ADAM32: variants seen among roughly 807,000 people sequenced by gnomAD.
ADAM32 encodes the protein ADAM metallopeptidase domain 32, also known as disintegrin and metalloproteinase domain-containing protein 32.
In ADAM32, 89 loss-of-function variants were observed where a neutral mutation model predicts 114.9. That is an observed-to-expected ratio of 0.77 (90% CI 0.65 to 0.92). The LOEUF is 0.92. ADAM32 is among the 40% of genes least tolerant of loss of function. The pLI is 0.00. For missense variants in ADAM32, 870 were observed against 932.8 expected (o/e 0.93, Z 0.88); for synonymous variants, 285 against 307.5 (o/e 0.93, Z 0.77).
intron 14 of ADAM32, among the ~76,000 whole-genome samples, chr8:39,228,186 T>A (rs1376934833): frequency 6.6e-6 from 1 of 152,156 alleles, no homozygotes; most frequent in Non-Finnish European, 1.5e-5. Flanking sequence ...ACAAAAGCCT[T>A]CAGCCCTAGA....
At chr8:39,238,349 C>T (rs751770912) in intron 16 of ADAM32, among the ~76,000 whole-genome samples, 5 of 152,210 alleles carry the variant, frequency 3.3e-5, no homozygotes, top group Non-Finnish European at 5.9e-5. Flanking sequence ...TGGTCTGGCT[C>T]TCAGGAAGCC....
At chr8:39,251,600 A>T (rs140232739) in intron 17 of ADAM32, among the ~76,000 whole-genome samples, 103 of 151,676 alleles carry the variant, frequency 6.8e-4, no homozygotes, top group Admixed American at 1.4e-3. Context: ...TGAGCTCCTT[A>T]TATATTATGA....
At chr8:39,272,459 G>A (rs1180702114) in intron 20 of ADAM32, among the ~76,000 whole-genome samples, 1 of 152,102 alleles carries the variant, frequency 6.6e-6, no homozygotes, top group African/African-American at 2.4e-5. Context: ...AGCCTATTAT[G>A]TACCTAGGTT....
intron 6 of ADAM32, among the ~76,000 whole-genome samples, chr8:39,152,806 G>A (rs1803921433): frequency 6.7e-6 from 1 of 149,910 alleles, no homozygotes. Flanking sequence ...TATAAACAAA[G>A]ACAATATTTC....
intron 10 of ADAM32, among the ~76,000 whole-genome samples, chr8:39,171,442 C>T (rs938181020): frequency 6.6e-6 from 1 of 152,054 alleles, no homozygotes; most frequent in Non-Finnish European, 1.5e-5. Flanking sequence ...TCGTGTGTTT[C>T]TCTGTTTATC....
intron 10 of ADAM32, among the ~76,000 whole-genome samples, chr8:39,172,294 A>G (rs982989793): frequency 3.3e-5 from 5 of 152,302 alleles, no homozygotes; most frequent in African/African-American, 1.2e-4. Flanking sequence ...TATGAATTGC[A>G]AACATTGAGC....
chr8:39,276,357 T>C (rs1813070429), intron 22 of ADAM32: 1 of 152,400 alleles, frequency 6.6e-6, no homozygotes, highest in South Asian at 2.1e-4. Context: ...TTCTCAGTAT[T>C]ACTAGGTCCC....
chr8:39,129,364 T>C (rs370411303), intron 2 of ADAM32, among the ~76,000 whole-genome samples: 1 of 152,194 alleles, frequency 6.6e-6, no homozygotes, highest in Non-Finnish European at 1.5e-5. Flanking sequence ...GCCTTTATCA[T>C]GTTCAGGAGG....
intron 20 of ADAM32, among the ~76,000 whole-genome samples, chr8:39,273,023 C>CTTG (rs1812831609): frequency 6.6e-6 from 1 of 151,992 alleles, no homozygotes; most frequent in Non-Finnish European, 1.5e-5. Context: ...GCCAATATCA[C>CTTG]TGTCTTCCAT....
At chr8:39,171,293 T>C (rs1805175325) in intron 10 of ADAM32, among the ~76,000 whole-genome samples, 2 of 152,104 alleles carry the variant, frequency 1.3e-5, no homozygotes, top group African/African-American at 4.8e-5. Flanking sequence ...TAACAATAAT[T>C]TATAGTATAT....
At chr8:39,205,441 A>T (rs888916262) in intron 11 of ADAM32, among the ~76,000 whole-genome samples, 1 of 152,164 alleles carries the variant, frequency 6.6e-6, no homozygotes, top group African/African-American at 2.4e-5. Context: ...GTGGGATATA[A>T]TCTCCTGCCG....
chr8:39,237,231 C>G (rs181002289), intron 16 of ADAM32, among the ~76,000 whole-genome samples: 1 of 152,032 alleles, frequency 6.6e-6, no homozygotes, highest in African/African-American at 2.4e-5. Flanking sequence ...CCCTGGGAAG[C>G]GATTTCTGAT....
intron 10 of ADAM32, among the ~76,000 whole-genome samples, chr8:39,170,976 C>G (rs988725963): frequency 6.6e-6 from 1 of 151,982 alleles, no homozygotes. Flanking sequence ...GCTTTTATGC[C>G]AGGCTGGAGT....
At chr8:39,163,917 A>G (rs567431210) in intron 7 of ADAM32, among the ~76,000 whole-genome samples, 2 of 152,228 alleles carry the variant, frequency 1.3e-5, no homozygotes, top group Non-Finnish European at 2.9e-5. Context: ...GAGTTTGTCT[A>G]TGGATATATA....
intron 1 of ADAM32, among the ~76,000 whole-genome samples, chr8:39,109,420 G>T (rs1010371469): frequency 6.6e-6 from 1 of 152,006 alleles, no homozygotes; most frequent in Admixed American, 6.6e-5. Flanking sequence ...GGTGGTGCGT[G>T]CCTGTAATCC....
intron 19 of ADAM32, among the ~76,000 whole-genome samples, chr8:39,267,666 G>C (rs1160550619): frequency 1.3e-5 from 2 of 152,198 alleles, no homozygotes; most frequent in African/African-American, 2.4e-5. Context: ...TGCCATGAGA[G>C]CACCCCAAAC....
At chr8:39,264,456 A>C (rs1404156951) in intron 19 of ADAM32, among the ~76,000 whole-genome samples, 1 of 152,140 alleles carries the variant, frequency 6.6e-6, no homozygotes, top group Non-Finnish European at 1.5e-5. Flanking sequence ...TTTTTAAATT[A>C]ATCTAGCTAG....
intron 16 of ADAM32, among the ~76,000 whole-genome samples, chr8:39,239,363 C>A (rs113365054): frequency 6.6e-6 from 1 of 152,106 alleles, no homozygotes; most frequent in Non-Finnish European, 1.5e-5. Flanking sequence ...TTCAGACTAA[C>A]AAAAGCTGAG....
Position 39,211,368 on chromosome 8 carries a change from T to A in ADAM32, c.1233+44T>A. 2.9e-6 allele frequency: 4 copies of A among 1,401,668 alleles called. No homozygotes were observed. The South Asian group carries it at 6.9e-5, about 24-fold the overall frequency. The allele number at this position is 1,401,668 out of a possible 1,614,324, so 86.8% of individuals were successfully genotyped here. A position where few individuals can be genotyped will look rare whatever the true frequency, so the allele number is the denominator to read the frequency against. On this transcript the variant is annotated intron_variant, in intron 12 of 24. Coordinates refer to ENST00000379907, the MANE Select transcript of ADAM32 (RefSeq NM_145004.7). The stretch of plus-strand genomic sequence containing the variant: ...AAAATTGATTAATAAATTTATTGTT[T>A]TAATTTATCTTTTTCATAAATGTCA...
Sources: gnomAD v4.1 joint callset for allele counts (sites outside exome capture counted in the v4.1 genomes callset) on GRCh38, gnomAD v4.1.1 for gene constraint, MANE v1.5 for transcripts, NCBI Gene and HGNC (gene_info 2026-07-23, HGNC 2026-07-21) for gene names.